Variants in COPS7B observed in about 807,000 individuals in gnomAD.
COPS7B encodes COP9 signalosome subunit 7B, also known as COP9 signalosome complex subunit 7b.
In COPS7B, 9 loss-of-function variants were observed where a neutral mutation model predicts 33.4. That is an observed-to-expected ratio of 0.27 (90% CI 0.16 to 0.47). The LOEUF (loss-of-function observed/expected upper bound fraction) is 0.47, where lower values mean the gene tolerates loss of function less well. Among genes scored for constraint, COPS7B ranks in the 20% least tolerant of loss-of-function variants. The pLI, the probability that COPS7B is intolerant of heterozygous loss-of-function variation, is 0.99. For missense variants in COPS7B, 242 were observed against 318.2 expected (o/e 0.76, Z 1.82); for synonymous variants, 119 against 126.3 (o/e 0.94, Z 0.39).
intron 6 of COPS7B, among the ~76,000 whole-genome samples, chr2:231,805,433 T>TATATA (rs1559377865): frequency 1.8e-5 from 2 of 113,264 alleles, no homozygotes; most frequent in African/African-American, 8.3e-5. Flanking sequence ...ATATATATAT[T>TATATA]TTTTTTTAAA....
At chr2:231,789,098 A>G (rs1360665453) in intron 2 of COPS7B, 1 of 198,626 alleles carries the variant, frequency 5.0e-6, no homozygotes, top group Non-Finnish European at 1.0e-5. Context: ...AAGATTGGTC[A>G]GGGACACACA....
chr2:231,792,778 A>G (rs1371923123), intron 3 of COPS7B, among the ~76,000 whole-genome samples: 1 of 152,188 alleles, frequency 6.6e-6, no homozygotes, highest in Non-Finnish European at 1.5e-5. Context: ...ATGTCCAAAC[A>G]CTAACTTACC....
At chr2:231,805,145 G>T (rs2049854224) in intron 6 of COPS7B, among the ~76,000 whole-genome samples, 1 of 152,086 alleles carries the variant, frequency 6.6e-6, no homozygotes. Flanking sequence ...ACCAGCCTGG[G>T]CAACATAGCA....
upstream of COPS7B, among the ~76,000 whole-genome samples, chr2:231,784,956 G>T (rs1014323583): frequency 3.9e-5 from 6 of 152,200 alleles, no homozygotes; most frequent in Admixed American, 1.3e-4. Context: ...GAGATTAGTA[G>T]TGCATCACCA....
At chr2:231,795,479 G>A (rs1379288260) in intron 4 of COPS7B, among the ~76,000 whole-genome samples, 1 of 152,134 alleles carries the variant, frequency 6.6e-6, no homozygotes, top group Non-Finnish European at 1.5e-5. Context: ...GTGAAATGAG[G>A]ACCTGACCTT....
intron 2 of COPS7B, chr2:231,790,671 A>C (rs1404054638): frequency 6.6e-6 from 1 of 150,590 alleles, no homozygotes; most frequent in East Asian, 1.9e-4. Context: ...ACCACTTGCT[A>C]TTCCTGTTTA....
chr2:231,797,737 T>C (rs1225458380), intron 5 of COPS7B, among the ~76,000 whole-genome samples: 1 of 152,082 alleles, frequency 6.6e-6, no homozygotes, highest in African/African-American at 2.4e-5. Flanking sequence ...AAGTGGAGGG[T>C]ATGGGGATAT....
intron 6 of COPS7B, among the ~76,000 whole-genome samples, chr2:231,804,634 A>G (rs1013123692): frequency 6.6e-6 from 1 of 151,992 alleles, no homozygotes; most frequent in South Asian, 2.1e-4. Context: ...GAAATTAGGA[A>G]TTTTTTTTGG....
chr2:231,791,610 A>G, intron 2 of COPS7B, 123 bp from the exon 3 acceptor site: 2 of 747,220 alleles, frequency 2.7e-6, no homozygotes, highest in Non-Finnish European at 4.5e-6. Flanking sequence ...GGGGCCAAGT[A>G]ATCAAATAGT....
chr2:231,805,292 C>A (rs189234009), intron 6 of COPS7B, among the ~76,000 whole-genome samples: 1 of 151,980 alleles, frequency 6.6e-6, no homozygotes, highest in Non-Finnish European at 1.5e-5. Flanking sequence ...ATGAGGTACA[C>A]CAAAGTGGCA....
intron 4 of COPS7B, 67 bp downstream of exon 4, chr2:231,794,418 A>AGAC: frequency 2.3e-6 from 3 of 1,296,460 alleles, no homozygotes; most frequent in Non-Finnish European, 3.3e-6. Flanking sequence ...GACATCAATG[A>AGAC]AGGAAGTCCC....
intron 2 of COPS7B, chr2:231,791,515 C>T: frequency 1.8e-6 from 1 of 559,118 alleles, no homozygotes; most frequent in South Asian, 2.1e-5. Flanking sequence ...GAAAGTAAAA[C>T]ATTCCTGAGA....
chr2:231,798,189 G>A (rs940035550), intron 5 of COPS7B, among the ~76,000 whole-genome samples: 2 of 149,134 alleles, frequency 1.3e-5, no homozygotes, highest in Non-Finnish European at 3.0e-5. Flanking sequence ...GCCTGGCCTA[G>A]AACATCTTTT....
At position 231,808,474 on chromosome 2, in the gene COPS7B, A is replaced by T. The variant is rs1482248931; in HGVS notation, c.*829A>T. ...TAATGCTTGCTCTCCCAAGATCTTTAACTCCTCCTGGCTGCACCTGGGTAG... is the reference window on the plus strand; with the variant it reads ...TAATGCTTGCTCTCCCAAGATCTTTTACTCCTCCTGGCTGCACCTGGGTAG... On this transcript the variant is annotated 3_prime_UTR_variant, in exon 7 of 7. Coordinates refer to ENST00000350033, the MANE Select transcript of COPS7B (RefSeq NM_022730.4). 2.1e-6 allele frequency: 1 copy of T among 471,240 alleles called. No homozygotes were observed. The highest frequency in any genetic ancestry group is 7.0e-5 in the East Asian group (1 of 14,360). 29.2% of individuals were successfully genotyped at this position (471,240 alleles called of 1,614,324 possible).
At position 231,805,320 on chromosome 2, in the gene COPS7B, C is replaced by T. The variant is rs927996558; in HGVS notation, c.637-2167C>T. Among the ~76,000 whole-genome samples, 215 of 151,816 alleles carry T rather than the reference C, an allele frequency of 1.4e-3. 1 individual carries two copies. Among genetic ancestry groups the T allele is most frequent in the African/African-American group, 5.0e-3 (208 of 41,422 alleles). ...AAGTGGCAGTGAGCCGCTGGGAGGG[C>T]GAGATGCCTCAGGGTTCTGGGGTTC... is the stretch of plus-strand genomic sequence containing the variant. On this transcript the variant is annotated intron_variant, in intron 6 of 6. Coordinates refer to ENST00000350033, the MANE Select transcript of COPS7B (RefSeq NM_022730.4).
At chr2:231,782,992 C>A (rs2049165106), upstream of COPS7B, among the ~76,000 whole-genome samples, 1 of 152,202 alleles carries the variant, frequency 6.6e-6, no homozygotes. Context: ...AATCACTCTT[C>A]TGACTGTATC....
intron 6 of COPS7B, among the ~76,000 whole-genome samples, chr2:231,802,678 G>A (rs1559373827): frequency 1.3e-5 from 2 of 152,208 alleles, no homozygotes; most frequent in South Asian, 2.1e-4. Context: ...GAAAGTCTAC[G>A]AGACCAGAAT....
chr2:231,792,155 A>G, intron 3 of COPS7B: 1 of 479,920 alleles, frequency 2.1e-6, no homozygotes, highest in Non-Finnish European at 4.2e-6. Context: ...TTATCAAAAT[A>G]ATACCAGCAT....
At chr2:231,800,487 G>C (rs1379097791) in intron 6 of COPS7B, among the ~76,000 whole-genome samples, 1 of 152,124 alleles carries the variant, frequency 6.6e-6, no homozygotes, top group African/African-American at 2.4e-5. Context: ...CTAATCTTTG[G>C]TATCAAGGTC....
Sources: allele counts gnomAD v4.1 joint callset (sites outside exome capture counted in the v4.1 genomes callset), GRCh38; gene constraint gnomAD v4.1.1; transcripts MANE v1.5; gene names NCBI Gene and HGNC (gene_info 2026-07-23, HGNC 2026-07-21).